PTPRM: variants seen among roughly 807,000 people sequenced by gnomAD.
The protein encoded by PTPRM is protein tyrosine phosphatase receptor type M.
Under a neutral mutation model 186.7 loss-of-function variants are expected in PTPRM, and 47 were observed. That is an observed-to-expected ratio of 0.25 (90% CI 0.20 to 0.32). The LOEUF (loss-of-function observed/expected upper bound fraction) is 0.32, where lower values mean the gene tolerates loss of function less well. PTPRM is among the 10% of genes least tolerant of loss of function. The pLI, the probability that PTPRM is intolerant of heterozygous loss-of-function variation, is 1.00. For synonymous variants in PTPRM, 668 were observed against 674.9 expected, an observed-to-expected ratio of 0.99 and a Z score of 0.16; for missense variants, 1,494 against 1,865.0, an observed-to-expected ratio of 0.80 and a Z score of 3.66.
intron 14 of PTPRM, among the ~76,000 whole-genome samples, chr18:8,225,393 T>G (rs922463405): frequency 4.0e-5 from 6 of 149,566 alleles, no homozygotes; most frequent in Admixed American, 1.3e-4. Context: ...TCTCTTGTAT[T>G]TTTTTTTTTA....
chr18:8,321,415 T>C (rs894491797), intron 22 of PTPRM, among the ~76,000 whole-genome samples: 4 of 150,848 alleles, frequency 2.7e-5, no homozygotes. Flanking sequence ...TTGTCCATTC[T>C]CTCTGCCCCT....
chr18:7,907,879 T>C (rs1029588329), intron 4 of PTPRM, among the ~76,000 whole-genome samples: 6 of 150,442 alleles, frequency 4.0e-5, no homozygotes, highest in Non-Finnish European at 7.4e-5. Context: ...CATACAAATT[T>C]CTCTGTATTC....
chr18:7,746,829 C>T (rs541598167), intron 1 of PTPRM, among the ~76,000 whole-genome samples: 13 of 152,136 alleles, frequency 8.5e-5, no homozygotes, highest in Non-Finnish European at 1.0e-4. Context: ...TTACCAGCCA[C>T]GTGGTGGCTG....
intron 1 of PTPRM, among the ~76,000 whole-genome samples, chr18:7,686,607 A>G (rs901353411): frequency 4.7e-4 from 71 of 152,210 alleles, no homozygotes; most frequent in African/African-American, 1.7e-3. Flanking sequence ...AGAGGAGCCA[A>G]AAATCATTGT....
rs184753559 is a variant in PTPRM at position 7,964,925 on chromosome 18, T to A, written c.1132+9511T>A. The stretch of plus-strand genomic sequence containing the variant: ...AATAACTGCAAATACTTCATTTACA[T>A]ATGAGACACTGTTATGCTGTGGTTG... On this transcript the variant is annotated intron_variant, in intron 7 of 32. Coordinates refer to ENST00000580170, the MANE Select transcript of PTPRM (RefSeq NM_001105244.2). Among the ~76,000 whole-genome samples, 5 of 152,102 alleles carry A rather than the reference T, an allele frequency of 3.3e-5. No individual in the cohort carries two copies. In the East Asian group the frequency reaches 9.7e-4, roughly 29 times the overall value.
At chr18:7,869,097 G>A (rs1034420474) in intron 2 of PTPRM, among the ~76,000 whole-genome samples, 3 of 152,214 alleles carry the variant, frequency 2.0e-5, no homozygotes, top group African/African-American at 7.2e-5. Flanking sequence ...TGCTGGCAGT[G>A]AGAATTTGAA....
intron 23 of PTPRM, among the ~76,000 whole-genome samples, chr18:8,364,430 C>G (rs929245442): frequency 2.0e-5 from 3 of 152,186 alleles, no homozygotes; most frequent in African/African-American, 4.8e-5. Flanking sequence ...CTCCATCACA[C>G]TGAGACCAGA....
At chr18:7,879,036 T>G (rs899402354) in intron 2 of PTPRM, among the ~76,000 whole-genome samples, 1 of 152,250 alleles carries the variant, frequency 6.6e-6, no homozygotes, top group African/African-American at 2.4e-5. Flanking sequence ...ACTCAGTGTT[T>G]GTTTTTTACT....
chr18:8,274,732 G>A (rs1033606299), intron 19 of PTPRM, among the ~76,000 whole-genome samples: 1 of 152,204 alleles, frequency 6.6e-6, no homozygotes, highest in Non-Finnish European at 1.5e-5. Flanking sequence ...GTAAGTACCA[G>A]AACTCTGTTA....
chr18:7,802,485 G>A (rs994848431), intron 2 of PTPRM, among the ~76,000 whole-genome samples: 3 of 152,038 alleles, frequency 2.0e-5, no homozygotes, highest in Admixed American at 1.3e-4. Context: ...ACAGAGGGGA[G>A]CCCTGGTGAC....
intron 23 of PTPRM, among the ~76,000 whole-genome samples, chr18:8,363,084 T>C (rs1025418960): frequency 5.9e-5 from 9 of 152,252 alleles, no homozygotes; most frequent in African/African-American, 1.9e-4. Flanking sequence ...CTTTCAGGGC[T>C]GTCTGAATGA....
intron 21 of PTPRM, 46 bp from the exon 22 acceptor site, chr18:8,319,132 T>G (rs371867516): frequency 2.0e-5 from 26 of 1,320,492 alleles, no homozygotes; most frequent in Non-Finnish European, 2.5e-5. Context: ...TATCTGCTGT[T>G]TATCGATTTT....
rs534071918 is a variant in PTPRM at position 7,595,854 on chromosome 18, A to G, written c.73+27963A>G. Among the ~76,000 whole-genome samples the G allele has an allele frequency of 1.0e-3, 153 of 152,336 alleles. 1 individual carries two copies. The highest frequency in any genetic ancestry group is 1.9e-3 in the Non-Finnish European group (126 of 68,030). On this transcript the variant is annotated intron_variant, in intron 1 of 32. Coordinates refer to ENST00000580170, the MANE Select transcript of PTPRM (RefSeq NM_001105244.2). Reference sequence around the variant, plus strand: ...GCCTGTCTGATTATTTACGTAGAACAAATCACCCTAGATATATTAGTGGAT... The same window carrying G: ...GCCTGTCTGATTATTTACGTAGAACGAATCACCCTAGATATATTAGTGGAT...
At chr18:8,310,561 C>T (rs2095260330) in intron 20 of PTPRM, among the ~76,000 whole-genome samples, 1 of 150,948 alleles carries the variant, frequency 6.6e-6, no homozygotes, top group African/African-American at 2.4e-5. Context: ...CTGCCCTCTC[C>T]ACTTTCCATC....
intron 5 of PTPRM, among the ~76,000 whole-genome samples, chr18:7,941,712 C>G (rs564608869): frequency 6.6e-6 from 1 of 152,216 alleles, no homozygotes; most frequent in African/African-American, 2.4e-5. Context: ...TTGGTGCCAA[C>G]GAGCAGCTGC....
chr18:8,380,225 A>G (rs1168783021), intron 28 of PTPRM, 71 bp from the exon 29 acceptor site: 13 of 1,520,756 alleles, frequency 8.5e-6, no homozygotes, highest in Admixed American at 1.7e-5. Context: ...TTCCTTCTGC[A>G]TGAAATAACC....
intron 19 of PTPRM, among the ~76,000 whole-genome samples, chr18:8,255,231 C>G (rs145901554): frequency 4.5e-4 from 69 of 152,260 alleles, no homozygotes; most frequent in African/African-American, 1.5e-3. Flanking sequence ...ATCCAATATT[C>G]TGAATGCAGA....
rs538788821 is a variant in PTPRM at position 7,678,494 on chromosome 18, G to T, written c.74-95655G>T. 5.3e-5 allele frequency among the ~76,000 whole-genome samples: 8 copies of T among 152,244 alleles called. No individual in the cohort carries two copies. The East Asian group carries it at 7.7e-4, about 15-fold the overall frequency. On this transcript the variant is annotated intron_variant, in intron 1 of 32. Coordinates refer to ENST00000580170, the MANE Select transcript of PTPRM (RefSeq NM_001105244.2). Reference sequence around the variant, plus strand: ...CACAGGCATTTTGTACCCTTGCCTGGACGGGGCCCTGAGGGAACGGGAGGC... The same window carrying T: ...CACAGGCATTTTGTACCCTTGCCTGTACGGGGCCCTGAGGGAACGGGAGGC...
At chr18:8,033,186 A>G (rs1451515649) in intron 7 of PTPRM, among the ~76,000 whole-genome samples, 3 of 152,220 alleles carry the variant, frequency 2.0e-5, no homozygotes, top group Non-Finnish European at 4.4e-5. Flanking sequence ...CAATTAAAAA[A>G]TGAATACTAT....
Sources: allele counts gnomAD v4.1 joint callset (sites outside exome capture counted in the v4.1 genomes callset), GRCh38; gene constraint gnomAD v4.1.1; transcripts MANE v1.5; gene names NCBI Gene and HGNC (gene_info 2026-07-23, HGNC 2026-07-21).